Variants in DKK4 observed in about 807,000 individuals in gnomAD.
The protein encoded by DKK4 is dickkopf Wnt signaling pathway inhibitor 4, also known as dickkopf-related protein 4.
In DKK4, 15 loss-of-function variants were observed where a neutral mutation model predicts 14.5. The ratio of observed to expected loss-of-function variants is 1.03; its 90% confidence interval spans 0.69 to 1.59. DKK4 has a LOEUF of 1.59. Ranked by LOEUF, DKK4 falls within the 40% of genes most tolerant of loss-of-function variation. The pLI, the probability that DKK4 is intolerant of heterozygous loss-of-function variation, is 0.00. For missense variants in DKK4, 272 were observed against 280.3 expected (o/e 0.97, Z 0.21); for synonymous variants, 89 against 105.2 (o/e 0.85, Z 0.94).
chr8:42,385,395 A>G, the DKK4 span, among the ~76,000 whole-genome samples: 8 of 152,280 alleles, frequency 5.3e-5, no homozygotes, highest in Non-Finnish European at 5.9e-5. Context: ...CCGTCTCAAA[A>G]AAAGAGAAAA....
chr8:42,374,929 G>GT lies in DKK4; in HGVS notation c.263-17dup. 1 of 1,613,828 alleles carries GT rather than the reference G, an allele frequency of 6.2e-7. No homozygotes were observed. The highest frequency in any genetic ancestry group is 8.5e-7 in the Non-Finnish European group (1 of 1,179,838). On this transcript the variant is annotated splice_polypyrimidine_tract_variant and intron_variant, in intron 2 of 3. Transcript: ENST00000220812. ...GTACAAACATCTGAGGGACAACCAGGTGTAACTAGAATTATTAACTTCAAG... is the reference window on the plus strand; with the variant it reads ...GTACAAACATCTGAGGGACAACCAGGTTGTAACTAGAATTATTAACTTCAAG...
chr8:42,388,485 C>T, the DKK4 span, among the ~76,000 whole-genome samples: 1 of 151,750 alleles, frequency 6.6e-6, no homozygotes, highest in Admixed American at 6.6e-5. Context: ...CCGCCCGAGC[C>T]TCCCAAAGTG....
chr8:42,382,779 T>C, the DKK4 span, among the ~76,000 whole-genome samples: 3 of 152,080 alleles, frequency 2.0e-5, no homozygotes, highest in Non-Finnish European at 4.4e-5. Flanking sequence ...TAAAATCGAG[T>C]AATACTGACT....
chr8:42,386,475 T>G, the DKK4 span, among the ~76,000 whole-genome samples: 1 of 151,944 alleles, frequency 6.6e-6, no homozygotes, highest in Non-Finnish European at 1.5e-5. Context: ...ATGTTGGCCA[T>G]TTGGGTTCTT....
At chr8:42,384,880 G>A in the DKK4 span, among the ~76,000 whole-genome samples, 2 of 152,164 alleles carry the variant, frequency 1.3e-5, no homozygotes, top group Non-Finnish European at 2.9e-5. Context: ...AAAATCACAA[G>A]GAACACTGCC....
At chr8:42,384,230 C>T in the DKK4 span, among the ~76,000 whole-genome samples, 1 of 152,172 alleles carries the variant, frequency 6.6e-6, no homozygotes, top group Non-Finnish European at 1.5e-5. Context: ...GGTGCAAGCA[C>T]AGCTCACTGT....
At chr8:42,381,891 G>A (rs1255755118), upstream of DKK4, among the ~76,000 whole-genome samples, 2 of 152,160 alleles carry the variant, frequency 1.3e-5, 1 homozygote, top group Non-Finnish European at 2.9e-5. Context: ...CAGTTACTTG[G>A]GAGGCTGAGG....
chr8:42,374,362 G>A lies in DKK4; in HGVS notation c.416-3C>T. On this transcript the variant is annotated splice_polypyrimidine_tract_variant and splice_region_variant and intron_variant, in intron 3 of 3. Coordinates refer to ENST00000220812, the MANE Select transcript of DKK4 (RefSeq NM_014420.3). ...CAGACAACTTTCTCCCTCTTGTCCT[G>A]TAACAAGGTTAATGTGGGCTTTAGT... The A allele has an allele frequency of 1.2e-6, 2 of 1,613,104 alleles. No individual in the cohort carries two copies. Among genetic ancestry groups the A allele is most frequent in the Non-Finnish European group, 1.7e-6 (2 of 1,179,832 alleles).
chr8:42,380,514 AAAG>A (rs1171644225), upstream of DKK4, among the ~76,000 whole-genome samples: 17 of 149,766 alleles, frequency 1.1e-4, no homozygotes, highest in African/African-American at 2.5e-4. Context: ...GAAGAAAAGA[AAAG>A]AAAAAAGAGA....
In DKK4 at chr8:42,374,280, A is replaced by C. The variant is rs747561014; in HGVS notation, c.495T>G (p.Ile165Met). 3 of 1,611,816 alleles carry C rather than the reference A, an allele frequency of 1.9e-6. No individual in the cohort carries two copies. Among genetic ancestry groups the C allele is most frequent in the Admixed American group, 1.7e-5 (1 of 59,820 alleles). Reference protein sequence around the residue: ...LCCARHFWTKICKPVLLEGQV... With the variant: ...LCCARHFWTKMCKPVLLEGQV... Reference sequence around the variant, plus strand: ...GTCCCTCCAAAAGGACTGGCTTACAAATTTTCGTCCAAAAATGACGAGCAC... The same window carrying C: ...GTCCCTCCAAAAGGACTGGCTTACACATTTTCGTCCAAAAATGACGAGCAC... Residue 165 changes from isoleucine (I) to methionine (M), a missense_variant, in exon 4 of 4, where the codon ATT becomes ATG. Coordinates refer to ENST00000220812, the MANE Select transcript of DKK4 (RefSeq NM_014420.3).
chr8:42,377,901 C>A (rs1003148000), upstream of DKK4, among the ~76,000 whole-genome samples: 3 of 152,162 alleles, frequency 2.0e-5, no homozygotes, highest in African/African-American at 7.2e-5. Context: ...ATGGTGGGAA[C>A]AATGATAGCG....
At chr8:42,381,697 C>CA (rs1824683015), upstream of DKK4, among the ~76,000 whole-genome samples, 2 of 152,168 alleles carry the variant, frequency 1.3e-5, no homozygotes, top group Admixed American at 6.5e-5. Flanking sequence ...TTTGTCTCTA[C>CA]AACTAGACCA....
At chr8:42,377,361 T>C (rs1824585121), upstream of DKK4, 1 of 273,502 alleles carries the variant, frequency 3.7e-6, no homozygotes, top group South Asian at 9.2e-5. Flanking sequence ...AAACAAGGAC[T>C]CAATAGAAGG....
upstream of DKK4, among the ~76,000 whole-genome samples, chr8:42,379,376 TATAGAGAGAGAGAGAG>T (rs1327499453): frequency 8.8e-5 from 4 of 45,640 alleles, no homozygotes; most frequent in African/African-American, 3.7e-4. Context: ...TATATATATA[TATAGAGAGAGAGAGAG>T]AGAGAGAGAG....
At chr8:42,391,118 C>G in the DKK4 span, among the ~76,000 whole-genome samples, 1 of 152,264 alleles carries the variant, frequency 6.6e-6, no homozygotes, top group Admixed American at 6.5e-5. Flanking sequence ...TATCATCTCT[C>G]ACTACTTGTG....
the DKK4 span, among the ~76,000 whole-genome samples, chr8:42,389,752 T>C: frequency 4.7e-4 from 72 of 152,334 alleles, no homozygotes; most frequent in African/African-American, 1.3e-3. Flanking sequence ...ATTGTTAACA[T>C]TTTATCATAT....
Position 42,374,898 on chromosome 8 carries a change from A to G in DKK4, c.278T>C (p.Met93Thr). 1 of 1,614,160 alleles carries G rather than the reference A, an allele frequency of 6.2e-7. No homozygotes were observed. The highest frequency in any genetic ancestry group is 8.5e-7 in the Non-Finnish European group (1 of 1,180,036). Residue 93 changes from methionine to threonine, a missense_variant, in exon 3 of 4, where the codon ATG becomes ACG. Physicochemically the swap from Met to Thr is moderately conservative, Grantham distance 81. Coordinates refer to ENST00000220812, the MANE Select transcript of DKK4 (RefSeq NM_014420.3). The stretch of plus-strand genomic sequence containing the variant: ...TTCTAATATTGGGGTTGCATCTTCC[A>G]TCGTAGTACAAACATCTGAGGGACA... ...TLCVNDVCTT[M>T]EDATPILERQ...
chr8:42,386,205 TCAGCCTC>T, the DKK4 span, among the ~76,000 whole-genome samples: 1 of 152,150 alleles, frequency 6.6e-6, no homozygotes, highest in African/African-American at 2.4e-5. Flanking sequence ...TCCTCCCGCC[TCAGCCTC>T]CCAAGTAGCT....
chr8:42,386,776 A>T, the DKK4 span, among the ~76,000 whole-genome samples: 1 of 152,320 alleles, frequency 6.6e-6, no homozygotes, highest in Non-Finnish European at 1.5e-5. Context: ...GGCGTGAGCC[A>T]CCATGCCAGG....
Sources: allele counts gnomAD v4.1 joint callset (sites outside exome capture counted in the v4.1 genomes callset), GRCh38; gene constraint gnomAD v4.1.1; transcripts MANE v1.5; gene names NCBI Gene and HGNC (gene_info 2026-07-23, HGNC 2026-07-21).